Variants in MCOLN2 observed in about 807,000 individuals in gnomAD.
The protein encoded by MCOLN2 is mucolipin TRP cation channel 2, also known as mucolipin-2.
In MCOLN2, 57 loss-of-function variants were observed where a neutral mutation model predicts 67.5. The observed-to-expected ratio is 0.84, with a 90% CI of 0.68 to 1.05. The LOEUF is 1.05. MCOLN2 is among the 50% of genes least tolerant of loss of function. The probability of loss-of-function intolerance (pLI) is 0.00; values close to 1 mark genes in which losing one functional copy is unlikely to be tolerated. For missense variants in MCOLN2, 620 were observed against 678.8 expected (o/e 0.91, Z 0.96); for synonymous variants, 246 against 233.3 (o/e 1.05, Z -0.50).
chr1:84,965,581 G>C lies in MCOLN2; in HGVS notation c.205C>G (p.Gln69Glu). 2 of 1,613,998 alleles carry C rather than the reference G, an allele frequency of 1.2e-6. No individual in the cohort carries two copies. The highest frequency in any genetic ancestry group is 1.7e-6 in the Non-Finnish European group (2 of 1,179,956). The change falls in exon 2 of 14, where the codon CAG (glutamine) becomes GAG (glutamate). Residue 69 changes from glutamine (Q) to glutamate (E), a missense_variant. Transcript: ENST00000370608. ...GTGACCATGACTATCTTCAAAATCT[G>C]CAAACCCAGTTTCCACGGAATCTGG... The part of the protein sequence containing the change: ...RRQIPWKLGL[Q>E]ILKIVMVTTQ...
intron 1 of MCOLN2, among the ~76,000 whole-genome samples, chr1:84,993,063 C>T (rs11161502): frequency 6.6e-6 from 1 of 152,068 alleles, no homozygotes; most frequent in African/African-American, 2.4e-5. Context: ...TCCTCTCAAA[C>T]CTTGCTGCTG....
chr1:84,929,079 GCA>G (rs1403645827), intron 13 of MCOLN2, among the ~76,000 whole-genome samples: 1 of 152,202 alleles, frequency 6.6e-6, no homozygotes, highest in Non-Finnish European at 1.5e-5. Flanking sequence ...AACAGGCAAA[GCA>G]CAGCTAGGCA....
At chr1:84,986,913 C>T (rs1026936365) in intron 1 of MCOLN2, among the ~76,000 whole-genome samples, 1 of 152,008 alleles carries the variant, frequency 6.6e-6, no homozygotes, top group Non-Finnish European at 1.5e-5. Context: ...AAAGGCAACA[C>T]TTTTAAACTG....
At chr1:84,970,069 G>T (rs640149) in intron 1 of MCOLN2, among the ~76,000 whole-genome samples, 53,708 of 152,046 alleles carry the variant, frequency 0.35, 9,860 homozygotes, top group African/African-American at 0.43. Flanking sequence ...CCTGTAAGAA[G>T]CCCCTGTGGG....
At chr1:84,932,469 T>C (rs1428847040) in intron 11 of MCOLN2, among the ~76,000 whole-genome samples, 1 of 152,178 alleles carries the variant, frequency 6.6e-6, no homozygotes, top group African/African-American at 2.4e-5. Flanking sequence ...CACCTCAGCC[T>C]CCCAAAGTGC....
intron 8 of MCOLN2, among the ~76,000 whole-genome samples, chr1:84,939,922 C>A (rs779812332): frequency 6.6e-6 from 1 of 152,112 alleles, no homozygotes; most frequent in Admixed American, 6.5e-5. Context: ...GAAATACGTA[C>A]GCGGTAACTC....
At chr1:84,987,474 A>G (rs1252471645) in intron 1 of MCOLN2, among the ~76,000 whole-genome samples, 46 of 21,892 alleles carry the variant, frequency 2.1e-3, no homozygotes, top group African/African-American at 0.01. Flanking sequence ...ATATATAGAT[A>G]TATATACATA....
In MCOLN2 at chr1:84,939,769, G is replaced by A. The variant is rs1647646517; in HGVS notation, c.961-67C>T. The A allele has an allele frequency of 9.2e-6, 14 of 1,522,516 alleles. 1 individual carries two copies. In the South Asian group the frequency reaches 1.6e-4, roughly 17 times the overall value. 94.3% of individuals were successfully genotyped at this position (1,522,516 alleles called of 1,614,324 possible). A position where few individuals can be genotyped will look rare whatever the true frequency, so the allele number is the denominator to read the frequency against. Reference sequence around the variant, plus strand: ...TGCCCTCTGGAAGAAGAAGGCAAGTGCAAAACAGTGCTCTCACCTGTAAAA... The same window carrying A: ...TGCCCTCTGGAAGAAGAAGGCAAGTACAAAACAGTGCTCTCACCTGTAAAA... On this transcript the variant is annotated intron_variant, in intron 8 of 13. Coordinates refer to ENST00000370608, the MANE Select transcript of MCOLN2 (RefSeq NM_153259.4).
chr1:84,937,007 A>G (rs1446186936), intron 11 of MCOLN2, among the ~76,000 whole-genome samples: 3 of 152,224 alleles, frequency 2.0e-5, no homozygotes, highest in Non-Finnish European at 4.4e-5. Flanking sequence ...AGCTGCTGCT[A>G]TTTTTGTTGT....
In MCOLN2 at chr1:84,940,896, C is replaced by A. The variant is rs753601235; in HGVS notation, c.943G>T (p.Ala315Ser). Residue 315 changes from alanine to serine, a missense_variant, in exon 8 of 14, where the codon GCT (alanine) becomes TCT (serine). By Grantham distance (99) the Ala-to-Ser change is moderately conservative. Transcript: ENST00000370608. The part of the protein sequence containing the change: ...LILCTRSIVL[A>S]LRLRKRFLNF... ...ACTCTTACCTTCCGTAACCTTAGAG[C>A]AAGAACAATGGATCTTGTACACAGA... 5 of 1,612,016 alleles carry A rather than the reference C, an allele frequency of 3.1e-6. No individual in the cohort carries two copies. The African/African-American group carries it at 6.7e-5, about 22-fold the overall frequency.
At chr1:84,947,750 C>A (rs1238097082) in intron 6 of MCOLN2, among the ~76,000 whole-genome samples, 1 of 152,188 alleles carries the variant, frequency 6.6e-6, no homozygotes, top group East Asian at 1.9e-4. Flanking sequence ...ATTTAGAGAC[C>A]AGATGCTAAC....
At chr1:84,987,502 AGATG>A (rs1366570117) in intron 1 of MCOLN2, among the ~76,000 whole-genome samples, 20,653 of 30,812 alleles carry the variant, frequency 0.67, 6,862 homozygotes, top group East Asian at 0.82. Flanking sequence ...ATGTATACAT[AGATG>A]TATACATATG....
intron 13 of MCOLN2, among the ~76,000 whole-genome samples, chr1:84,929,340 A>G (rs575377445): frequency 5.9e-5 from 9 of 152,352 alleles, no homozygotes; most frequent in Admixed American, 5.2e-4. Flanking sequence ...TAGTATTTCT[A>G]AGAGATTCCA....
chr1:84,963,083 T>C (rs1415292343), intron 2 of MCOLN2, among the ~76,000 whole-genome samples: 1 of 152,204 alleles, frequency 6.6e-6, no homozygotes, highest in Non-Finnish European at 1.5e-5. Context: ...AGAGCCAGAC[T>C]GCCCAAGCAC....
At position 84,958,586 on chromosome 1, in the gene MCOLN2, G is replaced by A. The variant is rs754479412; in HGVS notation, c.354C>T (p.Ser118=). 2.0e-5 allele frequency: 33 copies of A among 1,611,110 alleles called. No homozygotes were observed. The highest frequency in any genetic ancestry group is 2.4e-5 in the Non-Finnish European group (28 of 1,179,444). Reference sequence around the variant, plus strand: ...CATCCTCTTGAGTATATACACTGCAGCTGTAGTCATCTTCATCTGTACCAG... The same window carrying A: ...CATCCTCTTGAGTATATACACTGCAACTGTAGTCATCTTCATCTGTACCAG... ...GYSGTDEDDY[S]CSVYTQEDAY... The change falls in exon 3 of 14, where the codon AGC becomes AGT. Residue 118 remains serine, a synonymous_variant. Transcript: ENST00000370608.
chr1:84,968,325 G>T (rs1649484139), intron 1 of MCOLN2, among the ~76,000 whole-genome samples: 2 of 152,192 alleles, frequency 1.3e-5, no homozygotes, highest in Non-Finnish European at 2.9e-5. Context: ...GGCCTGCTTG[G>T]TTCTGGAGGA....
At chr1:84,938,439 A>G (rs1447015766) in intron 9 of MCOLN2, among the ~76,000 whole-genome samples, 1 of 152,252 alleles carries the variant, frequency 6.6e-6, no homozygotes, top group Non-Finnish European at 1.5e-5. Flanking sequence ...TTTGTTAAGT[A>G]CCAAACAATA....
intron 1 of MCOLN2, among the ~76,000 whole-genome samples, chr1:84,982,376 A>C (rs980261498): frequency 1.3e-5 from 2 of 152,196 alleles, no homozygotes; most frequent in Admixed American, 6.5e-5. Flanking sequence ...GCCTCAAGCA[A>C]GCCTCCGGCC....
chr1:84,962,446 G>A (rs1481201158), intron 2 of MCOLN2, among the ~76,000 whole-genome samples: 3 of 152,196 alleles, frequency 2.0e-5, no homozygotes, highest in African/African-American at 7.2e-5. Flanking sequence ...AAGAGGCTGA[G>A]GTGGGAAGAT....
Sources: allele counts gnomAD v4.1 joint callset (sites outside exome capture counted in the v4.1 genomes callset), GRCh38; gene constraint gnomAD v4.1.1; transcripts MANE v1.5; gene names NCBI Gene and HGNC (gene_info 2026-07-23, HGNC 2026-07-21).